The following METTL22 variants were observed in gnomAD, a reference collection of about 807,000 sequenced individuals.
METTL22 encodes the protein methyltransferase-like protein 22.
METTL22 carries 51 observed loss-of-function variants against 48.4 expected under a neutral mutation model. The ratio of observed to expected loss-of-function variants is 1.05; its 90% CI spans 0.84 to 1.33. The LOEUF (loss-of-function observed/expected upper bound fraction) is 1.33, where lower values mean the gene tolerates loss of function less well. METTL22 is among the 40% of genes most tolerant of loss of function. METTL22 has a pLI of 0.00. For synonymous variants in METTL22, 255 were observed against 214.1 expected (o/e 1.19, Z -1.67); for missense variants, 678 against 526.9 (o/e 1.29, Z -2.81).
chr16:8,625,655 G>A lies in METTL22; in HGVS notation c.-11G>A. ...GGACTCCTGTCCTAGGACTAAGGTG[G>A]AGCCTGGGCCATGGTACAGCTGGCT... On this transcript the variant is annotated 5_prime_UTR_variant, in exon 2 of 11. Transcript: ENST00000381920. 6.2e-7 allele frequency: 1 copy of A among 1,613,990 alleles called. No homozygotes were observed. Among genetic ancestry groups the A allele is most frequent in the African/African-American group, 1.3e-5 (1 of 75,036 alleles).
the METTL22 span, among the ~76,000 whole-genome samples, chr16:8,655,420 G>A: frequency 6.6e-6 from 1 of 152,204 alleles, no homozygotes; most frequent in Non-Finnish European, 1.5e-5. Flanking sequence ...CCTCTCTAGG[G>A]GGCCTCTGAT....
the METTL22 span, among the ~76,000 whole-genome samples, chr16:8,659,337 G>C: frequency 0.03 from 4,501 of 148,926 alleles, 214 homozygotes; most frequent in African/African-American, 0.1. Context: ...AAAAAAAAAC[G>C]AACAAAAAAA....
chr16:8,634,646 T>C (rs2056368095), intron 3 of METTL22, among the ~76,000 whole-genome samples: 1 of 152,172 alleles, frequency 6.6e-6, no homozygotes, highest in African/African-American at 2.4e-5. Context: ...TTTGAATGAA[T>C]TGTGATTATT....
rs55721435 is a variant in METTL22, at chr16:8,646,435, C to T, written c.*292C>T. 0.025 allele frequency: 16,263 copies of T among 647,740 alleles called. 453 individuals are homozygous for T. Among genetic ancestry groups the T allele is most frequent in the Admixed American group, 0.096 (4,617 of 48,274 alleles). The allele number at this position is 647,740 out of a possible 1,614,324, so 40.1% of individuals were successfully genotyped here. Reference sequence around the variant, plus strand: ...TTCCTTCTCAGCTCAGTTCCACCCACGTCAGTCATTTCAGCTGTGTGCTTT... The same window carrying T: ...TTCCTTCTCAGCTCAGTTCCACCCATGTCAGTCATTTCAGCTGTGTGCTTT... On this transcript the variant is annotated 3_prime_UTR_variant, in exon 11 of 11. Coordinates refer to ENST00000381920, the MANE Select transcript of METTL22 (RefSeq NM_024109.4).
chr16:8,651,863 G>C (rs545445179), downstream of METTL22, among the ~76,000 whole-genome samples: 2 of 152,114 alleles, frequency 1.3e-5, no homozygotes, highest in African/African-American at 4.8e-5. Context: ...GGGGCCTTTT[G>C]GGGGATGGGG....
At chr16:8,643,532 G>T (rs1037527547) in intron 9 of METTL22, among the ~76,000 whole-genome samples, 1 of 152,342 alleles carries the variant, frequency 6.6e-6, no homozygotes, top group East Asian at 1.9e-4. Flanking sequence ...TGAGGGCAGG[G>T]GGCCCCGGGA....
intron 3 of METTL22, among the ~76,000 whole-genome samples, 168 bp from the exon 4 acceptor site, chr16:8,634,871 C>A (rs1200885938): frequency 6.6e-6 from 1 of 152,196 alleles, no homozygotes; most frequent in Non-Finnish European, 1.5e-5. Context: ...CAAAAGTCGC[C>A]TCCTAACCAG....
rs144428161 is a variant in METTL22, at chr16:8,626,324, A to G, written c.133+526A>G. Reference sequence around the variant, plus strand: ...AACTCCTGTGGTTTCCTGAGCACCTATTGTGCGCCTGACCCAGGACTTGAT... The same window carrying G: ...AACTCCTGTGGTTTCCTGAGCACCTGTTGTGCGCCTGACCCAGGACTTGAT... On this transcript the variant is annotated intron_variant, in intron 2 of 10. Transcript: ENST00000381920. Among the ~76,000 whole-genome samples, 259 of 151,972 alleles carry G rather than the reference A, an allele frequency of 1.7e-3. 7 individuals are homozygous for G. The highest frequency in any genetic ancestry group is 0.013 in the East Asian group (69 of 5,164).
Position 8,635,240 on chromosome 16 carries a change from C to T in METTL22, c.628C>T (p.Leu210=), listed in dbSNP as rs1303177132. 6.2e-7 allele frequency: 1 copy of T among 1,610,224 alleles called. No homozygotes were observed. The highest frequency in any genetic ancestry group is 1.3e-5 in the African/African-American group (1 of 74,872). ...RQDLFRGCTA[L]ELGAGTGLAS... Reference sequence around the variant, plus strand: ...GGACCTCTTCCGAGGATGTACAGCGCTGGAGCTCGGGGCCGGCACGGGGCT... The same window carrying T: ...GGACCTCTTCCGAGGATGTACAGCGTTGGAGCTCGGGGCCGGCACGGGGCT... The change falls in exon 5 of 11, where the codon CTG becomes TTG. Residue 210 remains leucine (L), a synonymous_variant. Coordinates refer to ENST00000381920, the MANE Select transcript of METTL22 (RefSeq NM_024109.4).
chr16:8,652,555 A>G (rs1195698477), downstream of METTL22, among the ~76,000 whole-genome samples: 2 of 150,502 alleles, frequency 1.3e-5, no homozygotes, highest in African/African-American at 2.5e-5. Flanking sequence ...GCAGTGGCTC[A>G]CACCTGTAAT....
chr16:8,629,024 A>G lies in METTL22; in HGVS notation c.428A>G (p.Lys143Arg). ...DSNPAGPLRD[K>R]VHPMILAQEE... is the part of the protein sequence containing the mutation. ...AACCCAGCAGGGCCTCTGAGAGACAAGGTACATCCCATGATTCTAGCACAG... is the reference window on the plus strand; with the variant it reads ...AACCCAGCAGGGCCTCTGAGAGACAGGGTACATCCCATGATTCTAGCACAG... The change falls in exon 3 of 11, where the codon AAG (lysine) becomes AGG (arginine). Residue 143 changes from lysine (K) to arginine (R), a missense_variant. Lys to Arg is a conservative substitution (Grantham distance 26). Coordinates refer to ENST00000381920, the MANE Select transcript of METTL22 (RefSeq NM_024109.4). The G allele has an allele frequency of 1.9e-6, 3 of 1,614,104 alleles. No homozygotes were observed. The highest frequency in any genetic ancestry group is 2.5e-6 in the Non-Finnish European group (3 of 1,180,028).
intron 5 of METTL22, among the ~76,000 whole-genome samples, chr16:8,636,742 G>A (rs1281550743): frequency 6.6e-6 from 1 of 151,956 alleles, no homozygotes; most frequent in Non-Finnish European, 1.5e-5. Flanking sequence ...AGTGGGCGGT[G>A]TTAGTTACAT....
In METTL22 at chr16:8,639,120, CA is replaced by C; in HGVS notation, c.731del (p.Gln244ArgfsTer17). 1 of 1,613,944 alleles carries C rather than the reference CA, an allele frequency of 6.2e-7. No homozygotes were observed. The highest frequency in any genetic ancestry group is 8.5e-7 in the Non-Finnish European group (1 of 1,180,016). The stretch of plus-strand genomic sequence containing the variant: ...CGGTGCAGATCTCTTGTCCATGTGC[CA>C]GCGAAACATTGCCCTCAACAGCCAC... ...DVGADLLSMC[Q>X]RNIALNSHLA... On this transcript the variant is annotated frameshift_variant, in exon 6 of 11. Coordinates refer to ENST00000381920, the MANE Select transcript of METTL22 (RefSeq NM_024109.4). LOFTEE classifies it high-confidence loss of function.
At chr16:8,640,938 A>ATGGG (rs1424728942) in intron 6 of METTL22, among the ~76,000 whole-genome samples, 193 bp from the exon 7 acceptor site, 1 of 16,276 alleles carries the variant, frequency 6.1e-5, no homozygotes, top group Non-Finnish European at 1.5e-4. Flanking sequence ...GGATGGATGG[A>ATGGG]TGGATGGGTG....
downstream of METTL22, among the ~76,000 whole-genome samples, chr16:8,650,216 C>G (rs1013850953): frequency 3.9e-5 from 6 of 152,224 alleles, no homozygotes; most frequent in East Asian, 1.9e-4. Flanking sequence ...CCCAGCTACT[C>G]AGGAGGCTGG....
downstream of METTL22, among the ~76,000 whole-genome samples, chr16:8,652,688 ATT>A (rs1555479047): frequency 6.7e-6 from 1 of 149,828 alleles, no homozygotes; most frequent in East Asian, 2.0e-4. Flanking sequence ...TAAAAAAAAA[ATT>A]TTTTTAATTT....
At position 8,646,163 on chromosome 16, in the gene METTL22, G is replaced by A. The variant is rs140905666; in HGVS notation, c.*20G>A. 4.5e-4 allele frequency: 724 copies of A among 1,614,012 alleles called. 5 individuals carry two copies. In the African/African-American group the frequency reaches 7.1e-3, roughly 16 times the overall value. On this transcript the variant is annotated 3_prime_UTR_variant, in exon 11 of 11. Coordinates refer to ENST00000381920, the MANE Select transcript of METTL22 (RefSeq NM_024109.4). ...ACATGACCCATCGCCTCCACAAGGC[G>A]CGGCGTCTCGACTGTTCTTAGAGTG...
chr16:8,663,261 A>ATTATTAATCTCTG, the METTL22 span, among the ~76,000 whole-genome samples: 1 of 150,232 alleles, frequency 6.7e-6, no homozygotes, highest in Non-Finnish European at 1.5e-5. Context: ...TCTCCCTATT[A>ATTATTAATCTCTG]TTATTAATCT....
At position 8,624,359 on chromosome 16, in the gene METTL22, CACTCT is replaced by C. The variant is rs1213979515; in HGVS notation, c.-170-1136_-170-1132del. Among the ~76,000 whole-genome samples, 238 of 119,140 alleles carry C rather than the reference CACTCT, an allele frequency of 2.0e-3. 1 individual carries two copies. Among genetic ancestry groups the C allele is most frequent in the African/African-American group, 7.8e-3 (231 of 29,516 alleles). 78.2% of individuals were successfully genotyped at this position (119,140 alleles called of 152,430 possible). A position where few individuals can be genotyped will look rare whatever the true frequency, so the allele number is the denominator to read the frequency against. On this transcript the variant is annotated intron_variant, in intron 1 of 10. Transcript: ENST00000381920. ...TTACTACTTTTCCTTTAAATCCACT[CACTCT>C]TTTTTTTTTTTTTTTAATTTCTTTT...
Sources: gnomAD v4.1 joint callset for allele counts (sites outside exome capture counted in the v4.1 genomes callset) on GRCh38, gnomAD v4.1.1 for gene constraint, MANE v1.5 for transcripts, NCBI Gene and HGNC (gene_info 2026-07-23, HGNC 2026-07-21) for gene names.